Variants in LNX1 observed in about 807,000 individuals in gnomAD.
LNX1 encodes E3 ubiquitin-protein ligase LNX.
Under a neutral mutation model 68.4 loss-of-function variants are expected in LNX1, and 54 were observed. The ratio of observed to expected loss-of-function variants is 0.79; its 90% CI spans 0.63 to 0.99. The LOEUF (loss-of-function observed/expected upper bound fraction) is 0.99. Among genes scored for constraint, LNX1 ranks in the 50% least tolerant of loss-of-function variants. The pLI, the probability that LNX1 is intolerant of heterozygous loss-of-function variation, is 0.00. For missense variants in LNX1, 906 were observed against 926.4 expected (o/e 0.98, Z 0.29); for synonymous variants, 336 against 350.0 (o/e 0.96, Z 0.45).
At chr4:53,616,853 A>C (rs1733699096) in intron 1 of LNX1, among the ~76,000 whole-genome samples, 1 of 152,172 alleles carries the variant, frequency 6.6e-6, no homozygotes, top group Non-Finnish European at 1.5e-5. Context: ...ATCTTTTAGC[A>C]AACACCCTGG....
At chr4:53,480,345 T>A (rs1723830875) in intron 7 of LNX1, among the ~76,000 whole-genome samples, 1 of 152,192 alleles carries the variant, frequency 6.6e-6, no homozygotes, top group Admixed American at 6.5e-5. Context: ...TCCTCCCAGC[T>A]CTTTCATGAT....
At position 53,476,939 on chromosome 4, in the gene LNX1, A is replaced by G. The variant is rs201804292; in HGVS notation, c.1706T>C (p.Val569Ala). ...LNVDGVELTE[V>A]SRSEAVALLK... ...TAATGCCACTGCCTCACTCCGGCTG[A>G]CCTCTGTCAGTTCGACCCCATCCAC... The change falls in exon 9 of 11, where the codon GTC becomes GCC. Residue 569 changes from valine to alanine, a missense_variant. Coordinates refer to ENST00000263925, the MANE Select transcript of LNX1 (RefSeq NM_001126328.3). 6 of 1,614,076 alleles carry G rather than the reference A, an allele frequency of 3.7e-6. No individual in the cohort carries two copies. In the Admixed American group the frequency reaches 6.7e-5, roughly 18 times the overall value.
intron 2 of LNX1, among the ~76,000 whole-genome samples, chr4:53,519,713 CA>C (rs1260257050): frequency 6.6e-6 from 1 of 152,068 alleles, no homozygotes; most frequent in Non-Finnish European, 1.5e-5. Flanking sequence ...TAACAGGCGT[CA>C]GGCTATTCTG....
chr4:53,542,713 A>G (rs1488723283), intron 2 of LNX1, among the ~76,000 whole-genome samples: 1 of 152,238 alleles, frequency 6.6e-6, no homozygotes, highest in East Asian at 1.9e-4. Context: ...TCGGAATGAG[A>G]AAATTCAACA....
intron 9 of LNX1, among the ~76,000 whole-genome samples, chr4:53,466,979 A>G (rs1722737744): frequency 6.6e-6 from 1 of 152,200 alleles, no homozygotes; most frequent in South Asian, 2.1e-4. Context: ...CCTGTCTGAC[A>G]GCTTTGAAGA....
At chr4:53,648,077 A>G (rs969098178) in intron 1 of LNX1, among the ~76,000 whole-genome samples, 1 of 152,238 alleles carries the variant, frequency 6.6e-6, no homozygotes, top group African/African-American at 2.4e-5. Context: ...GAGTACAAAT[A>G]TATGTTTGAG....
chr4:53,542,799 T>C (rs1428586876), intron 2 of LNX1, among the ~76,000 whole-genome samples: 2 of 152,130 alleles, frequency 1.3e-5, no homozygotes, highest in Non-Finnish European at 2.9e-5. Flanking sequence ...TAAATCTGTA[T>C]TCGGAACACG....
intron 6 of LNX1, among the ~76,000 whole-genome samples, chr4:53,487,846 T>G (rs1004350466): frequency 6.6e-6 from 1 of 152,256 alleles, no homozygotes; most frequent in Non-Finnish European, 1.5e-5. Context: ...CCTCATTGGT[T>G]TCTTTTCCAA....
chr4:53,555,237 G>T (rs1729823566), intron 2 of LNX1, among the ~76,000 whole-genome samples: 1 of 152,146 alleles, frequency 6.6e-6, no homozygotes, highest in South Asian at 2.1e-4. Flanking sequence ...AACTGGCCCA[G>T]CAGCCCTATT....
In LNX1 at chr4:53,539,970, ATTCAGTATT is replaced by A. The variant is rs541256588; in HGVS notation, c.381-31752_381-31744del. 2.2e-4 allele frequency among the ~76,000 whole-genome samples: 34 copies of A among 152,334 alleles called. No individual in the cohort carries two copies. In the East Asian group the frequency reaches 4.8e-3, roughly 22 times the overall value. On this transcript the variant is annotated intron_variant, in intron 2 of 10. Coordinates refer to ENST00000263925, the MANE Select transcript of LNX1 (RefSeq NM_001126328.3). ...CTTGGCCATGTGGTTAGAACTGGAA[ATTCAGTATT>A]TTCAGTATTTTCAGTTGCTCCAGTT... is the stretch of plus-strand genomic sequence containing the variant.
At chr4:53,473,499 T>C (rs1425813913) in intron 9 of LNX1, among the ~76,000 whole-genome samples, 1 of 152,194 alleles carries the variant, frequency 6.6e-6, no homozygotes, top group Non-Finnish European at 1.5e-5. Flanking sequence ...ATGTCTTTTG[T>C]GGGAATACGG....
intron 2 of LNX1, among the ~76,000 whole-genome samples, chr4:53,559,061 T>G (rs1353964983): frequency 6.6e-6 from 1 of 152,144 alleles, no homozygotes; most frequent in Non-Finnish European, 1.5e-5. Context: ...TTAATAGAAA[T>G]GGCTCGAAGG....
At chr4:53,634,252 CT>C (rs35451950) in intron 1 of LNX1, among the ~76,000 whole-genome samples, 2,249 of 142,842 alleles carry the variant, frequency 0.016, 47 homozygotes, top group African/African-American at 0.052. Context: ...TCCAGCTTGG[CT>C]TTTTTTTTTT....
intron 7 of LNX1, among the ~76,000 whole-genome samples, chr4:53,479,619 G>A (rs561331638): frequency 2.3e-5 from 3 of 131,418 alleles, no homozygotes; most frequent in Admixed American, 8.4e-5. Flanking sequence ...GGAGAGTTAC[G>A]TATGAAAGAG....
At chr4:53,532,136 C>A (rs1427090622) in intron 2 of LNX1, among the ~76,000 whole-genome samples, 3 of 152,190 alleles carry the variant, frequency 2.0e-5, no homozygotes, top group Admixed American at 6.5e-5. Flanking sequence ...AAGGGATGGA[C>A]CAAGGACACA....
At chr4:53,576,220 C>T (rs192224003) in intron 1 of LNX1, 34 of 1,601,736 alleles carry the variant, frequency 2.1e-5, no homozygotes, top group East Asian at 9.0e-5. Context: ...TGCCCTGGCT[C>T]GCTTCCTGCA....
intron 2 of LNX1, among the ~76,000 whole-genome samples, chr4:53,545,847 G>A (rs139697976): frequency 0.049 from 6,579 of 134,154 alleles, 252 homozygotes; most frequent in African/African-American, 0.11. Flanking sequence ...TTACTCTGTC[G>A]CCCAGGCTGG....
chr4:53,644,353 G>T (rs538187861), intron 1 of LNX1, among the ~76,000 whole-genome samples: 1 of 152,222 alleles, frequency 6.6e-6, no homozygotes, highest in East Asian at 1.9e-4. Context: ...AGTGAGCCGA[G>T]ATCACGCCAC....
intron 2 of LNX1, among the ~76,000 whole-genome samples, chr4:53,521,807 T>C (rs1727243856): frequency 6.6e-6 from 1 of 152,120 alleles, no homozygotes; most frequent in Non-Finnish European, 1.5e-5. Context: ...CCAGGCTTAC[T>C]CTTTGGTTAC....
Sources: allele counts gnomAD v4.1 joint callset (sites outside exome capture counted in the v4.1 genomes callset), GRCh38; gene constraint gnomAD v4.1.1; transcripts MANE v1.5; gene names NCBI Gene and HGNC (gene_info 2026-07-23, HGNC 2026-07-21).